The following F8 variants were observed in gnomAD, a reference collection of about 807,000 sequenced individuals.
The protein encoded by F8 is antihemophilic factor.
Under a neutral mutation model 140.6 loss-of-function variants are expected in F8, and 12 were observed. The ratio of observed to expected loss-of-function variants is 0.09; its 90% confidence interval spans 0.05 to 0.14. The LOEUF (loss-of-function observed/expected upper bound fraction) is 0.14, where lower values mean the gene tolerates loss of function less well. Ranked by LOEUF, F8 falls within the 10% of genes least tolerant of loss-of-function variation. The pLI is 1.00. For synonymous variants in F8, 585 were observed against 614.6 expected (o/e 0.95, Z 0.71); for missense variants, 1,354 against 1,720.7 (o/e 0.79, Z 3.77).
At position 154,930,712 on chromosome X, in the gene F8, T is replaced by C; in HGVS notation, c.3078A>G (p.Ser1026=). ...CAATGTGAGTCTTTCTATTAGTTGC[T>C]GAATTATTGGAAGTTTTGTTTGTCT... The part of the protein sequence containing the change: ...LLKTNKTSNN[S]ATNRKTHIDG... The change falls in exon 14 of 26, where the codon TCA becomes TCG. Residue 1026 remains serine (S), a synonymous_variant. Transcript: ENST00000360256. The C allele has an allele frequency of 4.1e-6, 5 of 1,209,142 alleles. No individual in the cohort carries two copies. Among genetic ancestry groups the C allele is most frequent in the Non-Finnish European group, 5.6e-6 (5 of 893,778 alleles).
intron 14 of F8, among the ~76,000 whole-genome samples, chrX:154,914,753 C>T (rs2073086592): frequency 8.9e-6 from 1 of 111,850 alleles, no homozygotes; most frequent in African/African-American, 3.3e-5. Flanking sequence ...CCAGATTTTC[C>T]TGTCTTCTTC....
intron 2 of F8, 121 bp downstream of exon 2, chrX:154,999,358 A>G (rs1557285390): frequency 2.6e-6 from 2 of 758,317 alleles, no homozygotes; most frequent in Non-Finnish European, 3.9e-6. Context: ...TATAGGTAGC[A>G]GTTAGGGAAA....
intron 3 of F8, among the ~76,000 whole-genome samples, chrX:154,996,452 T>A (rs1420474070): frequency 8.9e-6 from 1 of 112,148 alleles, no homozygotes; most frequent in East Asian, 2.8e-4. Context: ...TACCTGGTAA[T>A]AATAGGTCCT....
intron 14 of F8, among the ~76,000 whole-genome samples, chrX:154,926,479 G>C (rs367930088): frequency 1.8e-5 from 2 of 111,767 alleles, no homozygotes; most frequent in South Asian, 7.6e-4. Flanking sequence ...CAGTTCAAGC[G>C]ATTCTCGTGC....
At position 154,930,384 on chromosome X, in the gene F8, A is replaced by G. The variant is rs782417358; in HGVS notation, c.3406T>C (p.Ser1136Pro). 3.3e-6 allele frequency: 4 copies of G among 1,210,480 alleles called. No individual in the cohort carries two copies. In the South Asian group the frequency reaches 7.0e-5, roughly 21 times the overall value. ...RWIQRTHGKN[S>P]LNSGQGPSPK... ...CTGGGGCCTTGCCCAGAGTTCAGAG[A>G]GTTCTTTCCATGAGTCCTTTGTATC... is the stretch of plus-strand genomic sequence containing the variant. The change falls in exon 14 of 26, where the codon TCT (serine) becomes CCT (proline). Residue 1136 changes from serine to proline, a missense_variant. Transcript: ENST00000360256.
chrX:154,953,743 G>A (rs2073349066), intron 12 of F8, 149 bp downstream of exon 12: 6 of 711,472 alleles, frequency 8.4e-6, no homozygotes, highest in Non-Finnish European at 1.3e-5. Flanking sequence ...ATATGATCAC[G>A]TGTGTTTGAG....
At chrX:154,923,492 T>C (rs782325801) in intron 14 of F8, among the ~76,000 whole-genome samples, 9 of 111,957 alleles carry the variant, frequency 8.0e-5, no homozygotes, top group South Asian at 3.8e-4. Flanking sequence ...ATCTTTCCTA[T>C]GCTGTTCTTG....
chrX:154,960,188 C>T (rs1198855622), intron 10 of F8, among the ~76,000 whole-genome samples: 1 of 111,564 alleles, frequency 9.0e-6, no homozygotes, highest in Admixed American at 9.5e-5. Context: ...CAACTGAAAA[C>T]ACTGATAAAA....
At chrX:154,838,803 A>G (rs782703123) in intron 25 of F8, among the ~76,000 whole-genome samples, 16 of 111,769 alleles carry the variant, frequency 1.4e-4, no homozygotes, top group Non-Finnish European at 2.8e-4. Context: ...GAGTTTAGCT[A>G]TCAGAACAAA....
intron 25 of F8, among the ~76,000 whole-genome samples, chrX:154,845,074 G>A (rs1557271627): frequency 8.9e-6 from 1 of 111,939 alleles, no homozygotes; most frequent in Non-Finnish European, 1.9e-5. Flanking sequence ...CTTTGGTTCT[G>A]TTTATATGCT....
rs1557276357 is a variant in F8, at chrX:154,906,411, T to C, written c.5373+9A>G. ...TAATTTTCTTGTAATTCCACTGTCC[T>C]TAACTCACCATGATATTATCTTCAA... is the stretch of plus-strand genomic sequence containing the variant. On this transcript the variant is annotated intron_variant, in intron 15 of 25. Coordinates refer to ENST00000360256, the MANE Select transcript of F8 (RefSeq NM_000132.4). The C allele has an allele frequency of 8.3e-7, 1 of 1,206,362 alleles. No homozygotes were observed. The highest frequency in any genetic ancestry group is 1.8e-5 in the South Asian group (1 of 56,643).
rs782074699 is a variant in F8, at chrX:154,964,338, TA to T, written c.1443+1631del. ...ATTATGCATTTTAAAAATTAATGAA[TA>T]AAAAATAAAATTATACAATCTTCAA... On this transcript the variant is annotated intron_variant, in intron 9 of 25. Transcript: ENST00000360256. 9.3e-4 allele frequency among the ~76,000 whole-genome samples: 103 copies of T among 110,611 alleles called. 1 individual carries two copies. The highest frequency in any genetic ancestry group is 1.7e-3 in the Non-Finnish European group (89 of 52,630).
intron 10 of F8, among the ~76,000 whole-genome samples, chrX:154,959,721 C>T (rs1358585685): frequency 9.0e-6 from 1 of 111,648 alleles, no homozygotes; most frequent in African/African-American, 3.3e-5. Context: ...ACTATTTTAT[C>T]TCTACTTCTA....
chrX:154,903,180 G>GTTT (rs372878578), intron 18 of F8, among the ~76,000 whole-genome samples: 1 of 102,834 alleles, frequency 9.7e-6, no homozygotes. Flanking sequence ...AAACTGGATG[G>GTTT]TTTTTTTTTT....
intron 25 of F8, 30 bp downstream of exon 25, chrX:154,860,394 TTTTCTTTC>T: frequency 8.5e-7 from 1 of 1,181,032 alleles, no homozygotes; most frequent in Non-Finnish European, 1.2e-6. Context: ...GTGGTATTTT[TTTTCTTTC>T]TTTCTTTCTT....
chrX:154,961,929 T>C (rs1200286670), intron 9 of F8, among the ~76,000 whole-genome samples: 1 of 111,574 alleles, frequency 9.0e-6, no homozygotes, highest in Non-Finnish European at 1.9e-5. Flanking sequence ...CCACTGACCA[T>C]GGACTGGCTC....
At chrX:154,983,697 TG>T (rs1203761287) in intron 6 of F8, among the ~76,000 whole-genome samples, 13 of 112,092 alleles carry the variant, frequency 1.2e-4, no homozygotes, top group Non-Finnish European at 2.4e-4. Flanking sequence ...ATCATAGCAG[TG>T]TTGGAAGGCC....
intron 14 of F8, among the ~76,000 whole-genome samples, chrX:154,907,074 T>G (rs1297674748): frequency 8.9e-6 from 1 of 112,119 alleles, no homozygotes; most frequent in Non-Finnish European, 1.9e-5. Flanking sequence ...GATGTCCCTT[T>G]TCAATCATAC....
chrX:154,878,399 C>T (rs369135873), intron 22 of F8, among the ~76,000 whole-genome samples: 25 of 78,283 alleles, frequency 3.2e-4, no homozygotes, highest in African/African-American at 1.2e-3. Context: ...AGAAAAATCA[C>T]TTGATAAAGC....
Sources: gnomAD v4.1 joint callset for allele counts (sites outside exome capture counted in the v4.1 genomes callset) on GRCh38, gnomAD v4.1.1 for gene constraint, MANE v1.5 for transcripts, NCBI Gene and HGNC (gene_info 2026-07-23, HGNC 2026-07-21) for gene names.